The following KAZN variants were observed in gnomAD, a reference collection of about 807,000 sequenced individuals.
The protein encoded by KAZN is kazrin, periplakin interacting protein.
A neutral mutation model predicts 87.4 loss-of-function variants in KAZN; 40 were observed. That is an observed-to-expected ratio of 0.46 (90% confidence interval 0.36 to 0.60). The LOEUF (loss-of-function observed/expected upper bound fraction) is 0.60, where lower values mean the gene tolerates loss of function less well. KAZN is among the 20% of genes least tolerant of loss of function. The pLI, the probability that KAZN is intolerant of heterozygous loss-of-function variation, is 0.00. For synonymous variants in KAZN, 466 were observed against 458.3 expected, an observed-to-expected ratio of 1.02 and a Z score of -0.22; for missense variants, 898 against 1,073.9, an observed-to-expected ratio of 0.84 and a Z score of 2.29.
rs911413174 is a variant in KAZN, at chr1:15,094,415, C to A, written c.1428+30C>A. On this transcript the variant is annotated intron_variant, in intron 9 of 14. Coordinates refer to ENST00000376030, the MANE Select transcript of KAZN (RefSeq NM_201628.3). The surrounding 1 kb of genome is among the most constrained non-coding windows in gnomAD (Gnocchi z 4.5). ...GCAACTCCGGGCCCCCTATGGGATG[C>A]CACCCATGCCCTCTGTGAGCTTTAC... The A allele has an allele frequency of 1.1e-5, 17 of 1,577,550 alleles. No homozygotes were observed. Among genetic ancestry groups the A allele is most frequent in the Non-Finnish European group, 1.4e-5 (16 of 1,156,892 alleles).
chr1:14,468,474 G>A (rs1445280870), intron 2 of KAZN, among the ~76,000 whole-genome samples: 1 of 152,166 alleles, frequency 6.6e-6, no homozygotes, highest in African/African-American at 2.4e-5. Context: ...TAGCCAACGT[G>A]CCCACTTTGC....
chr1:14,931,032 G>A (rs1659753568), intron 1 of KAZN, among the ~76,000 whole-genome samples: 1 of 152,180 alleles, frequency 6.6e-6, no homozygotes, highest in Admixed American at 6.5e-5. Flanking sequence ...CAGGGATGGG[G>A]TGAACCCGTT....
At chr1:14,440,896 C>T (rs1040838898) in intron 2 of KAZN, among the ~76,000 whole-genome samples, 31 of 152,298 alleles carry the variant, frequency 2.0e-4, no homozygotes, top group Admixed American at 1.3e-3. Flanking sequence ...AGATGAGTGA[C>T]GCAGACAGGT....
chr1:14,333,548 A>T (rs540909720), intron 2 of KAZN, among the ~76,000 whole-genome samples: 51 of 152,310 alleles, frequency 3.3e-4, no homozygotes, highest in African/African-American at 1.2e-3. Context: ...AGGTGCTTGG[A>T]ATGTGGCAGG....
chr1:15,100,140 G>A (rs982792105), intron 10 of KAZN, among the ~76,000 whole-genome samples: 20 of 152,292 alleles, frequency 1.3e-4, no homozygotes, highest in African/African-American at 4.1e-4. Flanking sequence ...CTCCCTCACG[G>A]GTGCCTTCCA....
chr1:14,131,148 A>G (rs778810440), intron 1 of KAZN, among the ~76,000 whole-genome samples: 1 of 152,144 alleles, frequency 6.6e-6, no homozygotes, highest in Non-Finnish European at 1.5e-5. Flanking sequence ...TACACTTTCA[A>G]ACAGCCAGAT....
intron 1 of KAZN, among the ~76,000 whole-genome samples, chr1:14,685,997 G>T (rs948144058): frequency 2.0e-5 from 3 of 152,196 alleles, no homozygotes; most frequent in Non-Finnish European, 4.4e-5. Context: ...TGAGTAGATG[G>T]CAGAACTTGA....
At chr1:14,223,347 C>T (rs1490856559) in intron 2 of KAZN, among the ~76,000 whole-genome samples, 1 of 152,194 alleles carries the variant, frequency 6.6e-6, no homozygotes, top group Non-Finnish European at 1.5e-5. Flanking sequence ...TTTTTCCTGG[C>T]ACAGGCTGTG....
At chr1:14,815,633 CT>C (rs1372155667) in intron 1 of KAZN, among the ~76,000 whole-genome samples, 8 of 152,214 alleles carry the variant, frequency 5.3e-5, no homozygotes, top group African/African-American at 1.7e-4. Flanking sequence ...ACAAATGGTG[CT>C]GGAATTCAAT....
intron 1 of KAZN, among the ~76,000 whole-genome samples, chr1:14,047,840 C>T (rs1359429181): frequency 1.3e-5 from 2 of 150,538 alleles, no homozygotes; most frequent in East Asian, 3.9e-4. Flanking sequence ...TGCACTCCAG[C>T]CTGGGTGACA....
At chr1:14,399,777 T>G (rs923531320) in intron 2 of KAZN, among the ~76,000 whole-genome samples, 3 of 151,970 alleles carry the variant, frequency 2.0e-5, no homozygotes, top group Non-Finnish European at 4.4e-5. Flanking sequence ...CTCGATGCCA[T>G]CTCTCAGGAA....
At chr1:14,056,814 G>T (rs1470618404) in intron 1 of KAZN, among the ~76,000 whole-genome samples, 3 of 152,074 alleles carry the variant, frequency 2.0e-5, no homozygotes, top group Non-Finnish European at 4.4e-5. Context: ...ACTGACTATG[G>T]CCTCGCTCCT....
At chr1:14,523,607 CT>C (rs1220502201) in intron 2 of KAZN, among the ~76,000 whole-genome samples, 1 of 152,240 alleles carries the variant, frequency 6.6e-6, no homozygotes, top group Non-Finnish European at 1.5e-5. Flanking sequence ...AATCCCAGCA[CT>C]TCCTTCACTT....
At chr1:14,329,921 A>G (rs1384633941) in intron 2 of KAZN, among the ~76,000 whole-genome samples, 1 of 152,204 alleles carries the variant, frequency 6.6e-6, no homozygotes, top group East Asian at 1.9e-4. Flanking sequence ...CTAGGATGGA[A>G]GAGTCTAATT....
At chr1:14,877,259 C>A (rs892003075) in intron 1 of KAZN, among the ~76,000 whole-genome samples, 1 of 152,214 alleles carries the variant, frequency 6.6e-6, no homozygotes, top group African/African-American at 2.4e-5. Flanking sequence ...CACCATCCTC[C>A]ATATGGCTGG....
chr1:14,329,850 G>GTCCCCC (rs914009552), intron 2 of KAZN, among the ~76,000 whole-genome samples: 4 of 152,308 alleles, frequency 2.6e-5, no homozygotes, highest in Middle Eastern at 3.4e-3. Flanking sequence ...GTAAGTGTTG[G>GTCCCCC]TCCCCCTACC....
At chr1:14,969,796 G>A (rs1664822429) in intron 2 of KAZN, among the ~76,000 whole-genome samples, 1 of 152,152 alleles carries the variant, frequency 6.6e-6, no homozygotes, top group Admixed American at 6.5e-5. Context: ...TAATGCACAA[G>A]TACTTTTTAT....
At chr1:14,754,855 A>T (rs6672669) in intron 1 of KAZN, among the ~76,000 whole-genome samples, 70,953 of 151,682 alleles carry the variant, frequency 0.47, 17,132 homozygotes, top group Middle Eastern at 0.53. Context: ...GACCTTATTC[A>T]GGTGACTTAA....
intron 1 of KAZN, among the ~76,000 whole-genome samples, chr1:13,996,819 C>G (rs183715584): frequency 1.3e-5 from 2 of 152,084 alleles, no homozygotes; most frequent in Non-Finnish European, 2.9e-5. Flanking sequence ...GGGTTTCCCC[C>G]CAAGCGAAGC....
Sources: gnomAD v4.1 joint callset for allele counts (sites outside exome capture counted in the v4.1 genomes callset) on GRCh38, gnomAD v4.1.1 for gene constraint, Gnocchi (gnomAD v3.1) non-coding constraint, MANE v1.5 for transcripts, NCBI Gene and HGNC (gene_info 2026-07-23, HGNC 2026-07-21) for gene names.